BCL11B: variants seen among roughly 807,000 people sequenced by gnomAD.
The protein encoded by BCL11B is BCL11 transcription factor B.
BCL11B carries 8 observed loss-of-function variants against 49.9 expected under a neutral mutation model. The ratio of observed to expected loss-of-function variants is 0.16; its 90% CI spans 0.09 to 0.29. The LOEUF (loss-of-function observed/expected upper bound fraction) is 0.29. BCL11B is among the 10% of genes least tolerant of loss of function. The pLI is 1.00. For synonymous variants in BCL11B, 739 were observed against 637.4 expected, an observed-to-expected ratio of 1.16 and a Z score of -2.40; for missense variants, 1,006 against 1,351.0, an observed-to-expected ratio of 0.74 and a Z score of 4.00.
chr14:99,210,149 G>A (rs993185992), intron 3 of BCL11B, among the ~76,000 whole-genome samples: 2 of 152,192 alleles, frequency 1.3e-5, no homozygotes, highest in Non-Finnish European at 2.9e-5. Flanking sequence ...GGGGAAGGAG[G>A]TGCTGTGATT....
In BCL11B at chr14:99,261,283, G is replaced by A. The variant is rs117132553; in HGVS notation, c.59-3444C>T. Among the ~76,000 whole-genome samples the A allele has an allele frequency of 1.2e-3, 184 of 152,322 alleles. 2 individuals are homozygous for A. The South Asian group carries it at 0.017, about 14-fold the overall frequency. ...ACTGTGGTTTCACTTCCGCTGGCAGGCAGATACCAAGCTAGGCGTGTAGGG... is the reference window on the plus strand; with the variant it reads ...ACTGTGGTTTCACTTCCGCTGGCAGACAGATACCAAGCTAGGCGTGTAGGG... On this transcript the variant is annotated intron_variant, in intron 1 of 3. Coordinates refer to ENST00000357195, the MANE Select transcript of BCL11B (RefSeq NM_138576.4).
rs1417875261 is a variant in BCL11B, at chr14:99,271,509, AAG to A, written c.-293_-292del. 2 of 181,600 alleles carry A rather than the reference AAG, an allele frequency of 1.1e-5. No homozygotes were observed. Among genetic ancestry groups the A allele is most frequent in the Non-Finnish European group, 2.2e-5 (2 of 90,078 alleles). The allele number at this position is 181,600 out of a possible 1,614,324, so 11.2% of individuals were successfully genotyped here. A position where few individuals can be genotyped will look rare whatever the true frequency, so the allele number is the denominator to read the frequency against. On this transcript the variant is annotated 5_prime_UTR_variant, in exon 1 of 4. Transcript: ENST00000357195. ...AAACCTCTCGATCTAAAATAAGAAA[AAG>A]AGGCAAAAAAAAAAAAAACTGCTGT...
intron 2 of BCL11B, among the ~76,000 whole-genome samples, chr14:99,252,556 C>T (rs1187113891): frequency 6.6e-6 from 1 of 152,206 alleles, no homozygotes; most frequent in African/African-American, 2.4e-5. Context: ...CTGTGCCCCA[C>T]CTGCTAAGAG....
chr14:99,271,151 A>C lies in BCL11B; in HGVS notation c.58+10T>G, dbSNP rs760448695. 19 of 1,551,984 alleles carry C rather than the reference A, an allele frequency of 1.2e-5. No individual in the cohort carries two copies. The East Asian group carries it at 4.2e-4, about 34-fold the overall frequency. On this transcript the variant is annotated intron_variant, in intron 1 of 3. Coordinates refer to ENST00000357195, the MANE Select transcript of BCL11B (RefSeq NM_138576.4). Reference sequence around the variant, plus strand: ...CTCCGGCCCCTCGCGCGCACTCCGCAGACACTTACGGGTGATGAGCTCCCT... The same window carrying C: ...CTCCGGCCCCTCGCGCGCACTCCGCCGACACTTACGGGTGATGAGCTCCCT...
intron 3 of BCL11B, among the ~76,000 whole-genome samples, chr14:99,217,099 C>CTGACATGTGTG: frequency 6.6e-6 from 1 of 152,242 alleles, no homozygotes; most frequent in Admixed American, 6.5e-5. Context: ...CATTCACACA[C>CTGACATGTGTG]TGACATGCAA....
In BCL11B at chr14:99,248,213, G is replaced by A. The variant is rs1274348385; in HGVS notation, c.427+9258C>T. Among the ~76,000 whole-genome samples the A allele has an allele frequency of 2.0e-5, 3 of 151,964 alleles. No individual in the cohort carries two copies. The highest frequency in any genetic ancestry group is 7.3e-5 in the African/African-American group (3 of 41,364). ...CTCAGCACAGACTCCTCCTTTCTGA[G>A]ACACCCCAGGGCCCTCCAGACCAAA... On this transcript the variant is annotated intron_variant, in intron 2 of 3. Coordinates refer to ENST00000357195, the MANE Select transcript of BCL11B (RefSeq NM_138576.4). This position sits in a 1 kb window ranked among gnomAD's most constrained non-coding sequence, Gnocchi z 4.7.
intron 3 of BCL11B, among the ~76,000 whole-genome samples, chr14:99,221,875 T>G (rs943227714): frequency 6.6e-6 from 1 of 151,982 alleles, no homozygotes; most frequent in African/African-American, 2.4e-5. Context: ...GACCCTAGGG[T>G]CTAGCCCAGG....
intron 2 of BCL11B, among the ~76,000 whole-genome samples, chr14:99,240,896 G>A (rs1484884738): frequency 3.3e-5 from 5 of 152,192 alleles, no homozygotes; most frequent in Admixed American, 6.5e-5. Context: ...GGTTTATACC[G>A]CTATTTAATG....
rs1025788706 is a variant in BCL11B, at chr14:99,247,923, T to C, written c.427+9548A>G. ...GGGGGAAAACAGCCCTGATCAAACATTGCCTTGGCTTAGAGACAGAGCAGG... is the reference window on the plus strand; with the variant it reads ...GGGGGAAAACAGCCCTGATCAAACACTGCCTTGGCTTAGAGACAGAGCAGG... On this transcript the variant is annotated intron_variant, in intron 2 of 3. Transcript: ENST00000357195. The surrounding 1 kb of genome is among the most constrained non-coding windows in gnomAD (Gnocchi z 4.5). Among the ~76,000 whole-genome samples the C allele has an allele frequency of 2.0e-5, 3 of 152,154 alleles. No individual in the cohort carries two copies. The highest frequency in any genetic ancestry group is 7.2e-5 in the African/African-American group (3 of 41,446).
chr14:99,221,969 T>C (rs867778762), intron 3 of BCL11B, among the ~76,000 whole-genome samples: 1 of 152,210 alleles, frequency 6.6e-6, no homozygotes, highest in African/African-American at 2.4e-5. Context: ...CTGGTTTCCC[T>C]GGCATAATGC....
intron 3 of BCL11B, among the ~76,000 whole-genome samples, chr14:99,223,399 G>C (rs1481691404): frequency 6.6e-6 from 1 of 152,168 alleles, no homozygotes; most frequent in Non-Finnish European, 1.5e-5. Context: ...GAGAGGGTAG[G>C]GTGGTGGGAG....
In BCL11B at chr14:99,175,141, G is replaced by T; in HGVS notation, c.1695C>A (p.Asn565Lys). 6.3e-6 allele frequency: 10 copies of T among 1,596,286 alleles called. No homozygotes were observed. The highest frequency in any genetic ancestry group is 8.5e-6 in the Non-Finnish European group (10 of 1,174,158). The change falls in exon 4 of 4, where the codon AAC (asparagine) becomes AAA (lysine). Residue 565 changes from asparagine (N) to lysine (K), a missense_variant. Asn to Lys is a moderately conservative substitution (Grantham distance 94). Around this residue, in one of 6 missense-constraint regions of BCL11B, gnomAD observed 443 missense variants for 499.7 expected, o/e 0.89. Transcript: ENST00000357195. Reference sequence around the variant, plus strand: ...GCACCCCACCACCGCCGTTCTCGCGGTTGCGGCTCAGCTCCGAGTCCATGC... The same window carrying T: ...GCACCCCACCACCGCCGTTCTCGCGTTTGCGGCTCAGCTCCGAGTCCATGC... Reference protein sequence around the residue: ...SFSMDSELSRNRENGGGGVPG... With the variant: ...SFSMDSELSRKRENGGGGVPG...
Position 99,173,903 on chromosome 14 carries a change from A to C in BCL11B, c.*248T>G, listed in dbSNP as rs1339803395. On this transcript the variant is annotated 3_prime_UTR_variant, in exon 4 of 4. Coordinates refer to ENST00000357195, the MANE Select transcript of BCL11B (RefSeq NM_138576.4). ...AAAAAGTACCTGCACATGCCAAAAA[A>C]ATTACAAAACCCAATAAATACAGAA... 5 of 535,944 alleles carry C rather than the reference A, an allele frequency of 9.3e-6. No homozygotes were observed. Among genetic ancestry groups the C allele is most frequent in the Admixed American group, 7.3e-5 (2 of 27,428 alleles). The allele number at this position is 535,944 out of a possible 1,614,324, so 33.2% of individuals were successfully genotyped here.
rs1473198768 is a variant in BCL11B, at chr14:99,231,720, G to T, written c.428-163C>A. On this transcript the variant is annotated intron_variant, in intron 2 of 3. Transcript: ENST00000357195. This position sits in a 1 kb window ranked among gnomAD's most constrained non-coding sequence, Gnocchi z 8.1. ...CTGCAGGGAAGGCAATCGGGACACA[G>T]GCGAGGGAATGGGCTCGGGGAGGTG... 6.6e-6 allele frequency among the ~76,000 whole-genome samples: 1 copy of T among 151,958 alleles called. No homozygotes were observed. Among genetic ancestry groups the T allele is most frequent in the Non-Finnish European group, 1.5e-5 (1 of 67,936 alleles).
At chr14:99,250,867 GA>G (rs11375473) in intron 2 of BCL11B, among the ~76,000 whole-genome samples, 7 of 148,772 alleles carry the variant, frequency 4.7e-5, no homozygotes, top group African/African-American at 1.5e-4. Flanking sequence ...AACCTTAAGA[GA>G]AAAAAAAAAC....
intron 1 of BCL11B, among the ~76,000 whole-genome samples, chr14:99,268,235 TA>T (rs1391044859): frequency 6.6e-6 from 1 of 152,108 alleles, no homozygotes; most frequent in Non-Finnish European, 1.5e-5. Flanking sequence ...TAAATTTAAC[TA>T]GCTCATTATG....
In BCL11B at chr14:99,216,486, G is replaced by A. The variant is rs1308337243; in HGVS notation, c.640+14859C>T. Among the ~76,000 whole-genome samples the A allele has an allele frequency of 2.0e-5, 3 of 152,298 alleles. No homozygotes were observed. The East Asian group carries it at 5.8e-4, about 29-fold the overall frequency. On this transcript the variant is annotated intron_variant, in intron 3 of 3. Coordinates refer to ENST00000357195, the MANE Select transcript of BCL11B (RefSeq NM_138576.4). ...CTTATTCTCTCTGCAGCCACTCCTGGTGGGTCACACACCAGACTGGCCACA... is the reference window on the plus strand; with the variant it reads ...CTTATTCTCTCTGCAGCCACTCCTGATGGGTCACACACCAGACTGGCCACA...
At position 99,260,303 on chromosome 14, in the gene BCL11B, C is replaced by T. The variant is rs544135852; in HGVS notation, c.59-2464G>A. On this transcript the variant is annotated intron_variant, in intron 1 of 3. Coordinates refer to ENST00000357195, the MANE Select transcript of BCL11B (RefSeq NM_138576.4). Reference sequence around the variant, plus strand: ...GCATCAGTGGAAGATTTGATAAAAACGTACAACGACAAATCCACATGGCCA... The same window carrying T: ...GCATCAGTGGAAGATTTGATAAAAATGTACAACGACAAATCCACATGGCCA... Among the ~76,000 whole-genome samples, 24 of 152,292 alleles carry T rather than the reference C, an allele frequency of 1.6e-4. No individual in the cohort carries two copies. In the South Asian group the frequency reaches 4.8e-3, roughly 30 times the overall value.
chr14:99,247,209 C>A lies in BCL11B; in HGVS notation c.427+10262G>T, dbSNP rs3890086. On this transcript the variant is annotated intron_variant, in intron 2 of 3. Transcript: ENST00000357195. The surrounding 1 kb of genome is among the most constrained non-coding windows in gnomAD (Gnocchi z 4.5). ...GCCAGGTCAGGAAAATTATATACTTCGTTTTCCCAACAAATAAAGTCGCCT... is the reference window on the plus strand; with the variant it reads ...GCCAGGTCAGGAAAATTATATACTTAGTTTTCCCAACAAATAAAGTCGCCT... Among the ~76,000 whole-genome samples the A allele has an allele frequency of 0.01, 1,586 of 152,298 alleles. 19 individuals carry two copies. Among genetic ancestry groups the A allele is most frequent in the Non-Finnish European group, 0.017 (1,128 of 68,016 alleles).
Sources: gnomAD v4.1 joint callset for allele counts (sites outside exome capture counted in the v4.1 genomes callset) on GRCh38, gnomAD v4.1.1 for gene constraint, gnomAD v4.1.1 regional missense constraint, Gnocchi (gnomAD v3.1) non-coding constraint, MANE v1.5 for transcripts, NCBI Gene and HGNC (gene_info 2026-07-23, HGNC 2026-07-21) for gene names.